Variants in TUBGCP6 observed in about 807,000 individuals in gnomAD.
TUBGCP6 encodes tubulin gamma complex component 6.
In TUBGCP6, 161 loss-of-function variants were observed where a neutral mutation model predicts 175.8. The observed-to-expected ratio is 0.92, with a 90% CI of 0.81 to 1.04. The LOEUF (loss-of-function observed/expected upper bound fraction) is 1.04. Ranked by LOEUF, TUBGCP6 falls within the 50% of genes least tolerant of loss-of-function variation. The pLI is 0.00. For synonymous variants in TUBGCP6, 1,173 were observed against 1,030.5 expected, an observed-to-expected ratio of 1.14 and a Z score of -2.65; for missense variants, 2,572 against 2,433.0, an observed-to-expected ratio of 1.06 and a Z score of -1.20.
rs1278125798 is a variant in TUBGCP6, at chr22:50,220,552, A to G, written c.3807T>C (p.His1269=). Residue 1269 remains histidine, a synonymous_variant, in exon 16 of 25, where the codon CAT becomes CAC. Coordinates refer to ENST00000248846, the MANE Select transcript of TUBGCP6 (RefSeq NM_020461.4). ...VVSTRPRWNT[H]VPIPPPHMVL... is the part of the protein sequence containing the mutation. ...CCATGTGGGGCGGAGGGATGGGTAC[A>G]TGGGTGTTCCACCGTGGCCGGGTGG... 16 of 1,613,424 alleles carry G rather than the reference A, an allele frequency of 9.9e-6. No homozygotes were observed. Among genetic ancestry groups the G allele is most frequent in the East Asian group, 2.2e-5 (1 of 44,890 alleles).
rs535590396 is a variant in TUBGCP6, at chr22:50,240,315, T to G, written c.794A>C (p.Asn265Thr). Residue 265 changes from asparagine to threonine, a missense_variant, in exon 2 of 25, where the codon AAC becomes ACC. Transcript: ENST00000248846. Reference sequence around the variant, plus strand: ...CTCAGACTGGGAATCAGGAGTCAAGTTGGACGCTGACTGGAATCCTTCGTC... The same window carrying G: ...CTCAGACTGGGAATCAGGAGTCAAGGTGGACGCTGACTGGAATCCTTCGTC... The part of the protein sequence containing the change: ...WEDEGFQSAS[N>T]LTPDSQSEPS... The G allele has an allele frequency of 3.1e-6, 5 of 1,613,972 alleles. No individual in the cohort carries two copies. In the East Asian group the frequency reaches 8.9e-5, roughly 29 times the overall value.
At chr22:50,243,537 G>C (rs553070608) in intron 1 of TUBGCP6, among the ~76,000 whole-genome samples, 182 bp downstream of exon 1, 9 of 146,716 alleles carry the variant, frequency 6.1e-5, no homozygotes, top group African/African-American at 2.3e-4. Flanking sequence ...AGAATTGCTT[G>C]AGCCCAGAAA....
At chr22:50,239,156 G>C (rs918184413) in intron 2 of TUBGCP6, among the ~76,000 whole-genome samples, 1 of 152,114 alleles carries the variant, frequency 6.6e-6, no homozygotes, top group African/African-American at 2.4e-5. Flanking sequence ...CCAAACATTT[G>C]GGGAAGTGCG....
At chr22:50,230,297 C>A (rs540268403) in intron 3 of TUBGCP6, among the ~76,000 whole-genome samples, 2 of 151,358 alleles carry the variant, frequency 1.3e-5, no homozygotes, top group African/African-American at 4.8e-5. Flanking sequence ...TAGCAAGACC[C>A]CCATCTCTAA....
At position 50,219,331 on chromosome 22, in the gene TUBGCP6, G is replaced by A. The variant is rs758809785; in HGVS notation, c.4441C>T (p.Pro1481Ser). 5.6e-6 allele frequency: 9 copies of A among 1,599,414 alleles called. No individual in the cohort carries two copies. The highest frequency in any genetic ancestry group is 1.8e-5 in the Admixed American group (1 of 56,642). ...GTGATGGAGCGCTTCATGAGCACGG[G>A]CAGCGTCAGCAACTCGCTCAGCTGC... ...AVQLSELLTL[P>S]VLMKRSITAP... The change falls in exon 19 of 25, where the codon CCC (proline) becomes TCC (serine). Residue 1481 changes from proline to serine, a missense_variant. Transcript: ENST00000248846.
At position 50,221,022 on chromosome 22, in the gene TUBGCP6, C is replaced by T. The variant is rs770190261; in HGVS notation, c.3337G>A (p.Ala1113Thr). ...ACATTCTCCCCGACCCTGATGCTGG[C>T]GTTGGACACATGTCCATGGATGTTC... ...RWNIHGHVSN[A>T]SIRVGENVSD... Residue 1113 changes from alanine to threonine, a missense_variant, in exon 16 of 25, where the codon GCC (alanine) becomes ACC (threonine). Transcript: ENST00000248846. 24 of 1,611,252 alleles carry T rather than the reference C, an allele frequency of 1.5e-5. No homozygotes were observed. Among genetic ancestry groups the T allele is most frequent in the South Asian group, 5.5e-5 (5 of 90,936 alleles).
chr22:50,239,180 GTTTGTTT>G (rs899567054), intron 2 of TUBGCP6, among the ~76,000 whole-genome samples: 1 of 151,914 alleles, frequency 6.6e-6, no homozygotes, highest in Non-Finnish European at 1.5e-5. Flanking sequence ...TTTTTTGTTT[GTTTGTTT>G]TTTGTTTTTG....
rs749301330 is a variant in TUBGCP6, at chr22:50,222,187, A to C, written c.2410-85T>G. The C allele has an allele frequency of 1.2e-4, 164 of 1,419,644 alleles. 1 individual carries two copies. The highest frequency in any genetic ancestry group is 1.6e-4 in the Non-Finnish European group (159 of 1,024,940). The allele number at this position is 1,419,644 out of a possible 1,614,324, so 87.9% of individuals were successfully genotyped here. ...CACAAAGCCACAGCCCCTACCGCCC[A>C]TGGCAGCCATGTGCACTGAACCAGA... On this transcript the variant is annotated intron_variant, in intron 14 of 24. Coordinates refer to ENST00000248846, the MANE Select transcript of TUBGCP6 (RefSeq NM_020461.4).
rs2064520710 is a variant in TUBGCP6 at position 50,221,385 on chromosome 22, T to C, written c.2974A>G (p.Met992Val). 1 of 1,609,008 alleles carries C rather than the reference T, an allele frequency of 6.2e-7. No individual in the cohort carries two copies. Among genetic ancestry groups the C allele is most frequent in the Admixed American group, 1.7e-5 (1 of 59,946 alleles). ...LQLWEDSCGK[M>V]DACGSASRET... Reference sequence around the variant, plus strand: ...CGCGAGGCGGAGCCACAGGCATCCATCTTCCCACAACTGTCCTCCCACAGC... The same window carrying C: ...CGCGAGGCGGAGCCACAGGCATCCACCTTCCCACAACTGTCCTCCCACAGC... The change falls in exon 16 of 25, where the codon ATG becomes GTG. Residue 992 changes from methionine to valine, a missense_variant. Met to Val is a conservative substitution (Grantham distance 21). Transcript: ENST00000248846.
Position 50,244,367 on chromosome 22 carries a change from C to T in TUBGCP6, c.93G>A (p.Lys31=), listed in dbSNP as rs757187436. 9 of 1,613,432 alleles carry T rather than the reference C, an allele frequency of 5.6e-6. No homozygotes were observed. The highest frequency in any genetic ancestry group is 7.6e-6 in the Non-Finnish European group (9 of 1,180,030). Residue 31 remains lysine (K), a synonymous_variant, in exon 1 of 25, where the codon AAG becomes AAA. Transcript: ENST00000248846. ...CCTTCTTGAGGCTCCGCTTTGCCCT[C>T]TTCCGGTTCACACTGCGCTGGCCCA... ...THLGQRSVNR[K]RAKRSLKKVA... is the part of the protein sequence containing the mutation.
Position 50,221,678 on chromosome 22 carries a change from A to G in TUBGCP6, c.2681T>C (p.Leu894Pro). Reference sequence around the variant, plus strand: ...CACAGGTAGGAAGTCTCCAATGCTGAGGCTGTCAGAGAAGGGTCTGGCCCC... The same window carrying G: ...CACAGGTAGGAAGTCTCCAATGCTGGGGCTGTCAGAGAAGGGTCTGGCCCC... ...AEGARPFSDS[L>P]SIGDFLPVGP... The change falls in exon 16 of 25, where the codon CTC (leucine) becomes CCC (proline). Residue 894 changes from leucine (L) to proline (P), a missense_variant. Leu to Pro is a moderately conservative substitution (Grantham distance 98). Coordinates refer to ENST00000248846, the MANE Select transcript of TUBGCP6 (RefSeq NM_020461.4). 1.3e-6 allele frequency: 2 copies of G among 1,517,344 alleles called. No individual in the cohort carries two copies. The highest frequency in any genetic ancestry group is 1.8e-6 in the Non-Finnish European group (2 of 1,133,998). 94.0% of individuals were successfully genotyped at this position (1,517,344 alleles called of 1,614,324 possible). A position where few individuals can be genotyped will look rare whatever the true frequency, so the allele number is the denominator to read the frequency against.
rs936182958 is a variant in TUBGCP6 at position 50,244,984 on chromosome 22, C to A, written c.-525G>T. 6 of 227,358 alleles carry A rather than the reference C, an allele frequency of 2.6e-5. No homozygotes were observed. In the East Asian group the frequency reaches 5.2e-4, roughly 20 times the overall value. The allele number at this position is 227,358 out of a possible 1,614,324, so 14.1% of individuals were successfully genotyped here. Reference sequence around the variant, plus strand: ...ACCCGTGGAAAGTGCCCACGGCTGCCGCTCTCGCCGCCTCCGTCGCGTCAC... The same window carrying A: ...ACCCGTGGAAAGTGCCCACGGCTGCAGCTCTCGCCGCCTCCGTCGCGTCAC... On this transcript the variant is annotated 5_prime_UTR_variant, in exon 1 of 25. Transcript: ENST00000248846.
At position 50,244,576 on chromosome 22, in the gene TUBGCP6, T is replaced by G; in HGVS notation, c.-117A>C. On this transcript the variant is annotated 5_prime_UTR_variant, in exon 1 of 25. Transcript: ENST00000248846. ...CGAAGAGGCTGAATGACAGGCGGCC[T>G]CTCCAATGCCGAAGCTCAGAACTGG... The G allele has an allele frequency of 1.4e-6, 2 of 1,430,070 alleles. No individual in the cohort carries two copies. Among genetic ancestry groups the G allele is most frequent in the South Asian group, 2.9e-5 (2 of 68,106 alleles). 88.6% of individuals were successfully genotyped at this position (1,430,070 alleles called of 1,614,324 possible). A position where few individuals can be genotyped will look rare whatever the true frequency, so the allele number is the denominator to read the frequency against.
intron 2 of TUBGCP6, among the ~76,000 whole-genome samples, chr22:50,238,137 A>AAG (rs146778199): frequency 0.2 from 29,399 of 149,434 alleles, 3,042 homozygotes; most frequent in South Asian, 0.32. Context: ...AGAAAAAGAA[A>AAG]AGAGAGAGAG....
chr22:50,235,631 T>C (rs1339225549), intron 2 of TUBGCP6, among the ~76,000 whole-genome samples: 1 of 152,186 alleles, frequency 6.6e-6, no homozygotes. Context: ...GTCCCTACAG[T>C]GGCCAAAATC....
At chr22:50,236,736 G>A (rs2064782567) in intron 2 of TUBGCP6, among the ~76,000 whole-genome samples, 1 of 152,174 alleles carries the variant, frequency 6.6e-6, no homozygotes, top group Admixed American at 6.5e-5. Context: ...GCCTGCCCAG[G>A]CTCCCTCAGG....
chr22:50,234,475 C>A (rs2064739405), intron 2 of TUBGCP6, among the ~76,000 whole-genome samples: 2 of 134,348 alleles, frequency 1.5e-5, no homozygotes, highest in South Asian at 5.0e-4. Flanking sequence ...ATCGCCCACA[C>A]CCCCGTCCAC....
chr22:50,220,857 T>C lies in TUBGCP6; in HGVS notation c.3502A>G (p.Ser1168Gly), dbSNP rs1569111531. The C allele has an allele frequency of 6.2e-7, 1 of 1,605,184 alleles. No homozygotes were observed. The highest frequency in any genetic ancestry group is 8.5e-7 in the Non-Finnish European group (1 of 1,175,822). ...GACACAGACTCCCCCAAGCTGATGC[T>C]GGCATCGGACACGTGTCCATGGGTG... ...WNTHGHVSDA[S>G]ISLGESVSDM... Residue 1168 changes from serine (S) to glycine (G), a missense_variant, in exon 16 of 25, where the codon AGC becomes GGC. Ser to Gly is a moderately conservative substitution (Grantham distance 56). Transcript: ENST00000248846.
intron 1 of TUBGCP6, among the ~76,000 whole-genome samples, chr22:50,241,039 G>A (rs1327688319): frequency 1.3e-5 from 2 of 152,212 alleles, no homozygotes; most frequent in Non-Finnish European, 1.5e-5. Flanking sequence ...AGCTGTTCTA[G>A]TACAATAAAA....
Sources: allele counts gnomAD v4.1 joint callset (sites outside exome capture counted in the v4.1 genomes callset), GRCh38; gene constraint gnomAD v4.1.1; transcripts MANE v1.5; gene names NCBI Gene and HGNC (gene_info 2026-07-23, HGNC 2026-07-21).